WASF3: variants seen among roughly 807,000 people sequenced by gnomAD.
WASF3 encodes WASP family member 3, also known as actin-binding protein WASF3.
WASF3 carries 11 observed loss-of-function variants against 46.6 expected under a neutral mutation model. The observed-to-expected ratio is 0.24, with a 90% CI of 0.15 to 0.39. WASF3 has a LOEUF of 0.39. Ranked by LOEUF, WASF3 falls within the 10% of genes least tolerant of loss-of-function variation. The probability of loss-of-function intolerance (pLI) is 1.00; values close to 1 mark genes in which losing one functional copy is unlikely to be tolerated. For synonymous variants in WASF3, 242 were observed against 259.7 expected (o/e 0.93, Z 0.65); for missense variants, 576 against 669.8 (o/e 0.86, Z 1.55).
intron 2 of WASF3, among the ~76,000 whole-genome samples, chr13:26,616,433 G>A (rs1453755623): frequency 6.6e-6 from 1 of 152,072 alleles, no homozygotes; most frequent in Non-Finnish European, 1.5e-5. Flanking sequence ...TTCAAATCTT[G>A]TGCCCATTTT....
At chr13:26,666,880 A>G (rs536277859) in intron 4 of WASF3, among the ~76,000 whole-genome samples, 1 of 151,388 alleles carries the variant, frequency 6.6e-6, no homozygotes, top group East Asian at 1.9e-4. Context: ...AAAAAAAAAA[A>G]AAAAAAAAAA....
chr13:26,672,072 T>G, intron 6 of WASF3, 83 bp downstream of exon 6: 1 of 1,132,386 alleles, frequency 8.8e-7, no homozygotes, highest in Non-Finnish European at 1.3e-6. Context: ...TTTAAATGGT[T>G]GAGATATTGG....
Position 26,676,692 on chromosome 13 carries a change from G to C in WASF3, c.684G>C (p.Ala228=). 6.2e-7 allele frequency: 1 copy of C among 1,614,012 alleles called. No individual in the cohort carries two copies. The highest frequency in any genetic ancestry group is 8.5e-7 in the Non-Finnish European group (1 of 1,179,958). The change falls in exon 7 of 10, where the codon GCG becomes GCC. Residue 228 remains alanine (A), a synonymous_variant. Coordinates refer to ENST00000335327, the MANE Select transcript of WASF3 (RefSeq NM_006646.6). Reference sequence around the variant, plus strand: ...TGTCTCAGAGTGTGTACCATGGAGCGTCTTCCGAGGGATCCCTGTCCCCAG... The same window carrying C: ...TGTCTCAGAGTGTGTACCATGGAGCCTCTTCCGAGGGATCCCTGTCCCCAG... ...NRLSQSVYHG[A]SSEGSLSPDT...
At chr13:26,607,350 G>C (rs1402007362) in intron 1 of WASF3, among the ~76,000 whole-genome samples, 1 of 152,152 alleles carries the variant, frequency 6.6e-6, no homozygotes, top group Non-Finnish European at 1.5e-5. Flanking sequence ...TGTGATTCTA[G>C]CATTGAATCG....
At chr13:26,567,804 C>T (rs556033) in intron 1 of WASF3, among the ~76,000 whole-genome samples, 150,336 of 152,162 alleles carry the variant, frequency 0.99, 74,289 homozygotes, top group South Asian at 1. Flanking sequence ...TGTATTTATA[C>T]GTGTATATAT....
intron 2 of WASF3, among the ~76,000 whole-genome samples, chr13:26,636,203 C>G (rs371023247): frequency 6.6e-6 from 1 of 152,248 alleles, no homozygotes; most frequent in Non-Finnish European, 1.5e-5. Flanking sequence ...TTTACCTACT[C>G]AAGCCTCAGC....
chr13:26,595,912 GT>G (rs1292322736), intron 1 of WASF3, among the ~76,000 whole-genome samples: 1 of 152,092 alleles, frequency 6.6e-6, no homozygotes, highest in Non-Finnish European at 1.5e-5. Context: ...CATTTGCATT[GT>G]TTCTGCTATT....
intron 1 of WASF3, among the ~76,000 whole-genome samples, chr13:26,582,676 CAAA>C (rs398022033): frequency 7.5e-5 from 4 of 53,400 alleles, no homozygotes; most frequent in Non-Finnish European, 1.2e-4. Flanking sequence ...GACTCCGTCT[CAAA>C]AAAAAAAAAA....
chr13:26,540,200 C>T, the WASF3 span, among the ~76,000 whole-genome samples: 1 of 152,166 alleles, frequency 6.6e-6, no homozygotes, highest in Non-Finnish European at 1.5e-5. Context: ...CCAGTTCCTG[C>T]TCCTCCTACT....
At chr13:26,542,648 G>A in the WASF3 span, among the ~76,000 whole-genome samples, 1 of 152,076 alleles carries the variant, frequency 6.6e-6, no homozygotes, top group Non-Finnish European at 1.5e-5. Flanking sequence ...TTAAAGTATT[G>A]AGCACCTATT....
chr13:26,670,326 A>G (rs1882893569), intron 5 of WASF3, among the ~76,000 whole-genome samples: 1 of 151,962 alleles, frequency 6.6e-6, no homozygotes, highest in Non-Finnish European at 1.5e-5. Flanking sequence ...GGAGGGGAAC[A>G]TCACATACCG....
intron 1 of WASF3, among the ~76,000 whole-genome samples, chr13:26,593,893 A>G (rs963719080): frequency 3.9e-5 from 6 of 152,218 alleles, no homozygotes; most frequent in Admixed American, 3.9e-4. Context: ...TTTGCTTTAA[A>G]TCAGTTCCTT....
chr13:26,598,893 C>T (rs913277393), intron 1 of WASF3, among the ~76,000 whole-genome samples: 6 of 152,096 alleles, frequency 3.9e-5, no homozygotes, highest in South Asian at 2.1e-4. Context: ...TTTTTTGAGA[C>T]GGAGTCTCGC....
At chr13:26,650,341 C>T (rs1336187199) in intron 3 of WASF3, among the ~76,000 whole-genome samples, 1 of 152,172 alleles carries the variant, frequency 6.6e-6, no homozygotes, top group Non-Finnish European at 1.5e-5. Flanking sequence ...ACCCTACCAG[C>T]ACAGCATTAA....
At chr13:26,638,941 C>A (rs1201920835) in intron 2 of WASF3, among the ~76,000 whole-genome samples, 1 of 152,210 alleles carries the variant, frequency 6.6e-6, no homozygotes, top group Non-Finnish European at 1.5e-5. Context: ...TCCTTGGTTT[C>A]TGTTGTTTCT....
intron 6 of WASF3, among the ~76,000 whole-genome samples, 163 bp from the exon 7 acceptor site, chr13:26,676,386 G>A (rs926417516): frequency 4.6e-5 from 7 of 152,316 alleles, no homozygotes; most frequent in Non-Finnish European, 1.0e-4. Flanking sequence ...TTGGGTAAGA[G>A]GAGTGCACTG....
At chr13:26,551,351 G>A in the WASF3 span, among the ~76,000 whole-genome samples, 2 of 152,136 alleles carry the variant, frequency 1.3e-5, no homozygotes, top group African/African-American at 2.4e-5. Flanking sequence ...CCTGTTCTCC[G>A]CATGCTCACC....
chr13:26,562,859 C>CTCCCCTCCCCTCCCG (rs1325571423), intron 1 of WASF3, among the ~76,000 whole-genome samples: 1 of 43,148 alleles, frequency 2.3e-5, no homozygotes, highest in Non-Finnish European at 4.7e-5. Context: ...CTCCCCTCTC[C>CTCCCCTCCCCTCCCG]TCCCCTCCTC....
intron 1 of WASF3, among the ~76,000 whole-genome samples, chr13:26,587,102 CAAAAAAAAA>C (rs57542558): frequency 1.6e-5 from 1 of 64,288 alleles, no homozygotes; most frequent in Non-Finnish European, 2.8e-5. Context: ...GACCCTGCCT[CAAAAAAAAA>C]AAAAAAAAAA....
Sources: gnomAD v4.1 joint callset for allele counts (sites outside exome capture counted in the v4.1 genomes callset) on GRCh38, gnomAD v4.1.1 for gene constraint, MANE v1.5 for transcripts, NCBI Gene and HGNC (gene_info 2026-07-23, HGNC 2026-07-21) for gene names.